The following SNTG2 variants were observed in gnomAD, a reference collection of about 807,000 sequenced individuals.
The protein encoded by SNTG2 is syntrophin gamma 2.
In SNTG2, 74 loss-of-function variants were observed where a neutral mutation model predicts 70.9. The observed-to-expected ratio is 1.04, with a 90% CI of 0.86 to 1.27. The LOEUF (loss-of-function observed/expected upper bound fraction) is 1.27. SNTG2 is among the 50% of genes most tolerant of loss of function. The probability of loss-of-function intolerance (pLI) is 0.00; values close to 1 mark genes in which losing one functional copy is unlikely to be tolerated. For synonymous variants in SNTG2, 278 were observed against 273.8 expected, an observed-to-expected ratio of 1.02 and a Z score of -0.15; for missense variants, 717 against 690.7, an observed-to-expected ratio of 1.04 and a Z score of -0.43.
intron 8 of SNTG2, among the ~76,000 whole-genome samples, chr2:1,180,781 T>A (rs1011401569): frequency 6.6e-6 from 1 of 151,746 alleles, no homozygotes; most frequent in Non-Finnish European, 1.5e-5. Flanking sequence ...ATGTTTATTG[T>A]GGCACTATTC....
chr2:1,362,222 G>T (rs1454046575), intron 16 of SNTG2, among the ~76,000 whole-genome samples: 3 of 150,866 alleles, frequency 2.0e-5, no homozygotes, highest in African/African-American at 4.9e-5. Context: ...TTCCACGAAG[G>T]TCACCAACAC....
At chr2:957,870 T>G (rs1423590097) in intron 1 of SNTG2, among the ~76,000 whole-genome samples, 1 of 152,190 alleles carries the variant, frequency 6.6e-6, no homozygotes, top group Non-Finnish European at 1.5e-5. Context: ...AAGATAAATG[T>G]GCATTGTTTT....
At chr2:1,205,741 T>C (rs1234579533) in intron 8 of SNTG2, among the ~76,000 whole-genome samples, 1 of 152,232 alleles carries the variant, frequency 6.6e-6, no homozygotes, top group Non-Finnish European at 1.5e-5. Context: ...CTTGCGTTTT[T>C]GGTTATAATC....
At chr2:1,145,327 A>G (rs1028945740) in intron 6 of SNTG2, among the ~76,000 whole-genome samples, 3 of 152,202 alleles carry the variant, frequency 2.0e-5, no homozygotes, top group African/African-American at 4.8e-5. Context: ...AAATAAACTT[A>G]TAAGCCAATA....
chr2:1,017,803 G>T (rs750499522), intron 1 of SNTG2, among the ~76,000 whole-genome samples: 1 of 152,206 alleles, frequency 6.6e-6, no homozygotes, highest in Non-Finnish European at 1.5e-5. Flanking sequence ...AAGGGTTGTC[G>T]TGAGGGCAGT....
intron 13 of SNTG2, among the ~76,000 whole-genome samples, chr2:1,261,955 C>T (rs1211319311): frequency 2.0e-5 from 3 of 152,074 alleles, no homozygotes; most frequent in South Asian, 2.1e-4. Flanking sequence ...AGTGGTGTTC[C>T]GGGAGCCTGT....
At chr2:1,350,655 G>A (rs1660527102) in intron 16 of SNTG2, among the ~76,000 whole-genome samples, 1 of 152,122 alleles carries the variant, frequency 6.6e-6, no homozygotes, top group Non-Finnish European at 1.5e-5. Context: ...CATGATGAAT[G>A]TTGACGATGG....
intron 1 of SNTG2, among the ~76,000 whole-genome samples, chr2:1,039,350 G>A (rs971867217): frequency 2.0e-5 from 3 of 152,080 alleles, no homozygotes; most frequent in African/African-American, 7.2e-5. Context: ...GCAGGTAGAC[G>A]TCTATTTTAA....
chr2:1,282,430 G>A (rs747545572), intron 14 of SNTG2, among the ~76,000 whole-genome samples: 23 of 152,106 alleles, frequency 1.5e-4, no homozygotes, highest in Non-Finnish European at 3.1e-4. Context: ...TGAAAACATC[G>A]TTGATCAAAG....
chr2:1,090,567 C>T (rs1282149063), intron 2 of SNTG2, among the ~76,000 whole-genome samples: 2 of 152,146 alleles, frequency 1.3e-5, no homozygotes, highest in African/African-American at 2.4e-5. Flanking sequence ...AAGTGAAGGA[C>T]ATTTGCAAGG....
intron 16 of SNTG2, among the ~76,000 whole-genome samples, chr2:1,321,543 G>A (rs938952135): frequency 2.0e-5 from 3 of 152,096 alleles, no homozygotes; most frequent in African/African-American, 7.2e-5. Flanking sequence ...GAGTTTTCTT[G>A]GCAGGAGCAC....
chr2:1,070,399 G>A (rs988798999), intron 1 of SNTG2, among the ~76,000 whole-genome samples: 4 of 152,278 alleles, frequency 2.6e-5, no homozygotes, highest in African/African-American at 9.6e-5. Context: ...TAAAATGAGG[G>A]TGTTTAGGAA....
intron 1 of SNTG2, among the ~76,000 whole-genome samples, chr2:1,080,492 G>A (rs1255986732): frequency 1.3e-5 from 2 of 152,214 alleles, no homozygotes; most frequent in African/African-American, 4.8e-5. Flanking sequence ...ATGTGTATGT[G>A]TGTGCATGCA....
At chr2:1,007,784 T>C (rs1319032953) in intron 1 of SNTG2, among the ~76,000 whole-genome samples, 1 of 152,204 alleles carries the variant, frequency 6.6e-6, no homozygotes, top group Non-Finnish European at 1.5e-5. Context: ...TTTTGGTTTA[T>C]TTTTTGAGGC....
At chr2:1,342,086 C>T (rs1447196364) in intron 16 of SNTG2, among the ~76,000 whole-genome samples, 3 of 152,154 alleles carry the variant, frequency 2.0e-5, no homozygotes. Flanking sequence ...AAGATATTTT[C>T]CTTTAATATT....
At chr2:976,567 G>C (rs1660910870) in intron 1 of SNTG2, among the ~76,000 whole-genome samples, 1 of 152,224 alleles carries the variant, frequency 6.6e-6, no homozygotes, top group African/African-American at 2.4e-5. Context: ...AAGCATGACA[G>C]TGCTCCGGTG....
chr2:1,141,415 T>A (rs1379324522), intron 6 of SNTG2, among the ~76,000 whole-genome samples: 1 of 152,188 alleles, frequency 6.6e-6, no homozygotes, highest in Non-Finnish European at 1.5e-5. Context: ...GGAGAAAGAA[T>A]CACTGGCCAT....
At chr2:1,240,569 G>T (rs1426819913) in intron 11 of SNTG2, among the ~76,000 whole-genome samples, 2 of 152,170 alleles carry the variant, frequency 1.3e-5, no homozygotes, top group Admixed American at 1.3e-4. Flanking sequence ...CTCAAGTTAA[G>T]AAAACTGAGA....
At chr2:1,172,828 C>T (rs1402243562) in intron 7 of SNTG2, among the ~76,000 whole-genome samples, 1 of 152,148 alleles carries the variant, frequency 6.6e-6, no homozygotes, top group Non-Finnish European at 1.5e-5. Flanking sequence ...GGCACACCTT[C>T]CTGATGCTGT....
Sources: allele counts gnomAD v4.1 joint callset (sites outside exome capture counted in the v4.1 genomes callset), GRCh38; gene constraint gnomAD v4.1.1; transcripts MANE v1.5; gene names NCBI Gene and HGNC (gene_info 2026-07-23, HGNC 2026-07-21).